The following GRM5 variants were observed in gnomAD, a reference collection of about 807,000 sequenced individuals.
GRM5 encodes metabotropic glutamate receptor 5.
Under a neutral mutation model 83.1 loss-of-function variants are expected in GRM5, and 19 were observed. The observed-to-expected ratio is 0.23, with a 90% CI of 0.16 to 0.34. The LOEUF (loss-of-function observed/expected upper bound fraction) is 0.34, where lower values mean the gene tolerates loss of function less well. Ranked by LOEUF, GRM5 falls within the 10% of genes least tolerant of loss-of-function variation. The probability of loss-of-function intolerance (pLI) is 1.00; values close to 1 mark genes in which losing one functional copy is unlikely to be tolerated. For synonymous variants in GRM5, 675 were observed against 633.6 expected, an observed-to-expected ratio of 1.07 and a Z score of -0.98; for missense variants, 1,160 against 1,588.3, an observed-to-expected ratio of 0.73 and a Z score of 4.58.
At chr11:88,629,843 G>A (rs1938913067) in intron 4 of GRM5, among the ~76,000 whole-genome samples, 1 of 152,154 alleles carries the variant, frequency 6.6e-6, no homozygotes, top group African/African-American at 2.4e-5. Flanking sequence ...CTTTGTCTAA[G>A]TCCTCTAGTG....
rs1177637122 is a variant in GRM5 at position 88,985,668 on chromosome 11, G to C, written c.661+61544C>G. Reference sequence around the variant, plus strand: ...AAACATGGCCAAGGATGCCTTTGGTGTCCCCAAGACACTTTCAGAAGATTT... The same window carrying C: ...AAACATGGCCAAGGATGCCTTTGGTCTCCCCAAGACACTTTCAGAAGATTT... On this transcript the variant is annotated intron_variant, in intron 2 of 9. Coordinates refer to ENST00000305447, the MANE Select transcript of GRM5 (RefSeq NM_001143831.3). 1.8e-4 allele frequency among the ~76,000 whole-genome samples: 27 copies of C among 152,224 alleles called. No individual in the cohort carries two copies. In the East Asian group the frequency reaches 4.6e-3, roughly 26 times the overall value.
At chr11:88,967,759 T>C (rs1481548550) in intron 2 of GRM5, among the ~76,000 whole-genome samples, 1 of 152,164 alleles carries the variant, frequency 6.6e-6, no homozygotes, top group African/African-American at 2.4e-5. Context: ...TGCTGATGGA[T>C]GCATGTTGAG....
At chr11:88,895,850 C>T (rs1347512176) in intron 2 of GRM5, among the ~76,000 whole-genome samples, 2 of 151,850 alleles carry the variant, frequency 1.3e-5, no homozygotes, top group African/African-American at 4.8e-5. Context: ...GTTTATTGCA[C>T]CTTCTAAGTG....
rs532911467 is a variant in GRM5, at chr11:88,605,075, T to C, written c.1148-111A>G. The C allele has an allele frequency of 3.8e-5, 30 of 796,920 alleles. No individual in the cohort carries two copies. In the East Asian group the frequency reaches 7.4e-4, roughly 20 times the overall value. The allele number at this position is 796,920 out of a possible 1,614,324, so 49.4% of individuals were successfully genotyped here. ...ATTAGAGAATGCACTGGAGCAATTT[T>C]ATCAGAGTTAGAACCATGGGTAACA... On this transcript the variant is annotated intron_variant, in intron 4 of 9. Coordinates refer to ENST00000305447, the MANE Select transcript of GRM5 (RefSeq NM_001143831.3).
At chr11:88,789,305 C>A (rs1744032865) in intron 3 of GRM5, among the ~76,000 whole-genome samples, 2 of 150,286 alleles carry the variant, frequency 1.3e-5, no homozygotes, top group Admixed American at 1.3e-4. Context: ...GTGATGAGAT[C>A]AATTGTCAAG....
Position 88,604,837 on chromosome 11 carries a change from G to A in GRM5, c.1275C>T (p.Leu425=). 1 of 1,614,022 alleles carries A rather than the reference G, an allele frequency of 6.2e-7. No individual in the cohort carries two copies. Among genetic ancestry groups the A allele is most frequent in the Non-Finnish European group, 8.5e-7 (1 of 1,179,930 alleles). ...CATCAATTGGCTTCATGGCATCACA[G>A]AGTCCTGCATAGCCTGGGCAGAGGG... ...QMSLCPGYAG[L]CDAMKPIDGR... The change falls in exon 5 of 10, where the codon CTC becomes CTT. Residue 425 remains leucine, a synonymous_variant. Transcript: ENST00000305447.
intron 8 of GRM5, among the ~76,000 whole-genome samples, chr11:88,550,681 A>G (rs1487538114): frequency 6.6e-6 from 1 of 152,186 alleles, no homozygotes; most frequent in Non-Finnish European, 1.5e-5. Flanking sequence ...AAAAGAAAAC[A>G]GGGAAATGGA....
At chr11:88,744,558 C>T (rs1282191424) in intron 3 of GRM5, among the ~76,000 whole-genome samples, 1 of 152,022 alleles carries the variant, frequency 6.6e-6, no homozygotes, top group East Asian at 1.9e-4. Context: ...TTTCACACAC[C>T]CCACCTTTCA....
chr11:88,623,868 TGGG>T (rs1938712575), intron 4 of GRM5, among the ~76,000 whole-genome samples: 2 of 152,082 alleles, frequency 1.3e-5, no homozygotes, highest in African/African-American at 4.8e-5. Context: ...GTGGTGGGGG[TGGG>T]CAATATTCTT....
At chr11:89,045,880 TTCACCAATTG>T (rs2135148643) in intron 2 of GRM5, among the ~76,000 whole-genome samples, 1 of 152,310 alleles carries the variant, frequency 6.6e-6, no homozygotes, top group African/African-American at 2.4e-5. Flanking sequence ...CCTGCTAATT[TTCACCAATTG>T]TCAGTATTCT....
chr11:88,679,851 G>T lies in GRM5; in HGVS notation c.912-26448C>A, dbSNP rs111495500. Among the ~76,000 whole-genome samples, 171 of 152,108 alleles carry T rather than the reference G, an allele frequency of 1.1e-3. 2 individuals are homozygous for T. Among genetic ancestry groups the T allele is most frequent in the African/African-American group, 3.8e-3 (156 of 41,510 alleles). On this transcript the variant is annotated intron_variant, in intron 3 of 9. Coordinates refer to ENST00000305447, the MANE Select transcript of GRM5 (RefSeq NM_001143831.3). ...GCTCAACAAATCGATTTTAAATAAG[G>T]CACCATTCTATTTATGAATACACTT...
At chr11:89,065,333 G>C (rs995885717) in intron 1 of GRM5, among the ~76,000 whole-genome samples, 31 of 150,500 alleles carry the variant, frequency 2.1e-4, no homozygotes, top group Non-Finnish European at 3.7e-4. Flanking sequence ...GAGAGAGAGA[G>C]ACAGACACAC....
chr11:88,582,890 T>C (rs781553438), intron 7 of GRM5, among the ~76,000 whole-genome samples: 3 of 152,078 alleles, frequency 2.0e-5, no homozygotes, highest in Non-Finnish European at 2.9e-5. Flanking sequence ...AGACAGGTAG[T>C]ATAGCATAAA....
intron 3 of GRM5, among the ~76,000 whole-genome samples, chr11:88,766,890 A>G (rs968934766): frequency 6.6e-6 from 1 of 152,050 alleles, no homozygotes; most frequent in African/African-American, 2.4e-5. Flanking sequence ...AAATGGGCAA[A>G]GGATGTGAAC....
At chr11:89,061,924 G>A (rs1218871832) in intron 1 of GRM5, among the ~76,000 whole-genome samples, 1 of 152,176 alleles carries the variant, frequency 6.6e-6, no homozygotes, top group Non-Finnish European at 1.5e-5. Context: ...TTGTCATGTG[G>A]AGTGTAAATG....
At chr11:88,935,349 A>ATG (rs71046272) in intron 2 of GRM5, among the ~76,000 whole-genome samples, 64,457 of 151,078 alleles carry the variant, frequency 0.43, 14,033 homozygotes, top group African/African-American at 0.51. Flanking sequence ...TAGTGTGTGT[A>ATG]TGTGTGTGTG....
Position 88,658,345 on chromosome 11 carries a change from C to T in GRM5, c.912-4942G>A, listed in dbSNP as rs550851730. On this transcript the variant is annotated intron_variant, in intron 3 of 9. Transcript: ENST00000305447. ...AAGTGGCACATGTTATTTCTGCTCA[C>T]GTTTCACTGACTGAACAAATCACAT... Among the ~76,000 whole-genome samples, 10 of 152,238 alleles carry T rather than the reference C, an allele frequency of 6.6e-5. No homozygotes were observed. The South Asian group carries it at 2.1e-3, about 32-fold the overall frequency.
intron 2 of GRM5, among the ~76,000 whole-genome samples, chr11:88,988,783 T>C (rs1247984630): frequency 3.9e-4 from 57 of 146,706 alleles, no homozygotes; most frequent in Middle Eastern, 6.9e-3. Context: ...GAAGGAGAAA[T>C]AAAATCCTTT....
chr11:88,766,145 G>A (rs1183309325), intron 3 of GRM5, among the ~76,000 whole-genome samples: 2 of 151,858 alleles, frequency 1.3e-5, no homozygotes. Flanking sequence ...GCAATTAGTA[G>A]ATTAAAATGT....
Sources: gnomAD v4.1 joint callset for allele counts (sites outside exome capture counted in the v4.1 genomes callset) on GRCh38, gnomAD v4.1.1 for gene constraint, MANE v1.5 for transcripts, NCBI Gene and HGNC (gene_info 2026-07-23, HGNC 2026-07-21) for gene names.